Variants in SS18L1 observed in about 807,000 individuals in gnomAD.
The protein encoded by SS18L1 is SS18L1 subunit of BAF chromatin remodeling complex, also known as calcium-responsive transactivator.
Under a neutral mutation model 70.3 loss-of-function variants are expected in SS18L1, and 32 were observed. The observed-to-expected ratio is 0.46, with a 90% CI of 0.34 to 0.61. The LOEUF is 0.61. Ranked by LOEUF, SS18L1 falls within the 20% of genes least tolerant of loss-of-function variation. The pLI is 0.01. For missense variants in SS18L1, 430 were observed against 542.1 expected (o/e 0.79, Z 2.05); for synonymous variants, 237 against 229.7 (o/e 1.03, Z -0.29).
intron 8 of SS18L1, among the ~76,000 whole-genome samples, chr20:62,171,240 C>T (rs539121455): frequency 3.9e-5 from 6 of 152,184 alleles, no homozygotes; most frequent in African/African-American, 1.4e-4. Context: ...ATAAAGTGGG[C>T]TATAAAACAT....
intron 1 of SS18L1, among the ~76,000 whole-genome samples, chr20:62,145,526 A>G (rs1006437130): frequency 5.3e-5 from 8 of 152,208 alleles, no homozygotes; most frequent in African/African-American, 1.7e-4. Flanking sequence ...TCCTGAAGCT[A>G]CCTTTGGCTG....
rs755759641 is a variant in SS18L1 at position 62,172,724 on chromosome 20, G to C, written c.959G>C (p.Gly320Ala). 1 of 1,614,072 alleles carries C rather than the reference G, an allele frequency of 6.2e-7. No individual in the cohort carries two copies. The highest frequency in any genetic ancestry group is 1.1e-5 in the South Asian group (1 of 91,080). The change falls in exon 9 of 11, where the codon GGT becomes GCT. Residue 320 changes from glycine (G) to alanine (A), a missense_variant. Gly to Ala is a moderately conservative substitution (Grantham distance 60). Coordinates refer to ENST00000331758, the MANE Select transcript of SS18L1 (RefSeq NM_198935.3). ...CAGCAGCAGGCCGGGTACCAGCAGGGTGCCGCGCAGCAGCAGACGTACTCC... is the reference window on the plus strand; with the variant it reads ...CAGCAGCAGGCCGGGTACCAGCAGGCTGCCGCGCAGCAGCAGACGTACTCC... ...YSQQQAGYQQGAAQQQTYSQQ... is the reference protein window; with the variant it reads ...YSQQQAGYQQAAAQQQTYSQQ...
Position 62,143,824 on chromosome 20 carries a change from T to C in SS18L1, c.4T>C (p.Ser2Pro). The C allele has an allele frequency of 7.4e-7, 1 of 1,344,254 alleles. No homozygotes were observed. The highest frequency in any genetic ancestry group is 9.8e-7 in the Non-Finnish European group (1 of 1,018,062). 83.3% of individuals were successfully genotyped at this position (1,344,254 alleles called of 1,614,324 possible). Residue 2 changes from serine to proline, a missense_variant, in exon 1 of 11, where the codon TCC becomes CCC. Physicochemically the swap from Ser to Pro is moderately conservative, Grantham distance 74. Transcript: ENST00000331758. MSVAFASARPRG... is the reference protein window; with the variant it reads MPVAFASARPRG... ...GGCTGAGCCCCGCGCCGCCACCATG[T>C]CCGTGGCCTTCGCGTCTGCCCGGCC...
chr20:62,160,031 T>C (rs2057296188), intron 3 of SS18L1, 70 bp downstream of exon 3: 2 of 1,463,020 alleles, frequency 1.4e-6, no homozygotes, highest in African/African-American at 1.4e-5. Flanking sequence ...ATCGGAATTG[T>C]GGGCATGTCA....
In SS18L1 at chr20:62,163,603, C is replaced by A; in HGVS notation, c.702C>A (p.Pro234=). 6.3e-7 allele frequency: 1 copy of A among 1,597,888 alleles called. No individual in the cohort carries two copies. ...TGATGGGGCAGCGGCCCATGGCGCC[C>A]TACCGGCCCTCCCAGCAAGGTAACG... is the stretch of plus-strand genomic sequence containing the variant. ...SSMMGQRPMA[P]YRPSQQGSSQ... is the part of the protein sequence containing the mutation. Residue 234 remains proline, a synonymous_variant, in exon 6 of 11, where the codon CCC becomes CCA. Transcript: ENST00000331758.
chr20:62,167,542 C>G (rs1384487366), intron 8 of SS18L1, among the ~76,000 whole-genome samples: 5 of 152,016 alleles, frequency 3.3e-5, no homozygotes, highest in African/African-American at 1.2e-4. Flanking sequence ...CCTGGGTGAC[C>G]GAGCCAGACC....
At position 62,158,782 on chromosome 20, in the gene SS18L1, G is replaced by T. The variant is rs766281134; in HGVS notation, c.146+34G>T. 1 of 1,612,902 alleles carries T rather than the reference G, an allele frequency of 6.2e-7. No homozygotes were observed. The highest frequency in any genetic ancestry group is 8.5e-7 in the Non-Finnish European group (1 of 1,179,962). On this transcript the variant is annotated intron_variant, in intron 2 of 10. Coordinates refer to ENST00000331758, the MANE Select transcript of SS18L1 (RefSeq NM_198935.3). The surrounding 1 kb of genome is among the most constrained non-coding windows in gnomAD (Gnocchi z 4.5). ...CCGCCATACACCGGAACACTTGGAGGGTGTCATGCAGAGTCTAAGCACAGA... is the reference window on the plus strand; with the variant it reads ...CCGCCATACACCGGAACACTTGGAGTGTGTCATGCAGAGTCTAAGCACAGA...
intron 10 of SS18L1, among the ~76,000 whole-genome samples, chr20:62,176,945 C>T (rs1428231743): frequency 1.3e-5 from 2 of 152,304 alleles, no homozygotes; most frequent in South Asian, 2.1e-4. Context: ...ACAGCACTGC[C>T]GGCGCTGGGC....
rs549675527 is a variant in SS18L1 at position 62,179,337 on chromosome 20, G to A, written c.*129G>A. ...GCCCAGTGCCACGTCTGCATGTGAA[G>A]CGTGCTCATTTCATGCTGGGTATGA... On this transcript the variant is annotated 3_prime_UTR_variant, in exon 11 of 11. Coordinates refer to ENST00000331758, the MANE Select transcript of SS18L1 (RefSeq NM_198935.3). 51 of 1,020,630 alleles carry A rather than the reference G, an allele frequency of 5.0e-5. No homozygotes were observed. Among genetic ancestry groups the A allele is most frequent in the African/African-American group, 4.9e-4 (31 of 63,748 alleles). The allele number at this position is 1,020,630 out of a possible 1,614,324, so 63.2% of individuals were successfully genotyped here. A position where few individuals can be genotyped will look rare whatever the true frequency, so the allele number is the denominator to read the frequency against.
rs201231564 is a variant in SS18L1 at position 62,174,509 on chromosome 20, C to T, written c.1037-8C>T. 116 of 1,613,234 alleles carry T rather than the reference C, an allele frequency of 7.2e-5. 1 individual carries two copies. The highest frequency in any genetic ancestry group is 7.5e-5 in the Non-Finnish European group (89 of 1,179,486). Reference sequence around the variant, plus strand: ...TGGCCGGCCTCACGGTTCCTGGTGTCTTCTCAGGGTCTGCCCAGGGAGCCC... The same window carrying T: ...TGGCCGGCCTCACGGTTCCTGGTGTTTTCTCAGGGTCTGCCCAGGGAGCCC... On this transcript the variant is annotated splice_polypyrimidine_tract_variant and splice_region_variant and intron_variant, in intron 9 of 10. Transcript: ENST00000331758. The surrounding 1 kb of genome is among the most constrained non-coding windows in gnomAD (Gnocchi z 4.1).
At chr20:62,155,172 G>A (rs950277314) in intron 1 of SS18L1, among the ~76,000 whole-genome samples, 4 of 152,130 alleles carry the variant, frequency 2.6e-5, no homozygotes, top group East Asian at 3.9e-4. Flanking sequence ...AGGCAGAGGC[G>A]GGCAGATCAG....
intron 1 of SS18L1, among the ~76,000 whole-genome samples, chr20:62,155,387 T>C (rs1450968230): frequency 6.6e-6 from 1 of 152,220 alleles, no homozygotes; most frequent in African/African-American, 2.4e-5. Context: ...CACTCCAGCC[T>C]GGGTGACAGA....
intron 5 of SS18L1, among the ~76,000 whole-genome samples, chr20:62,163,217 C>T (rs534529263): frequency 2.0e-5 from 3 of 152,126 alleles, no homozygotes; most frequent in Admixed American, 6.5e-5. Context: ...GGCCCTGGGT[C>T]TGGACAGACA....
At chr20:62,165,946 C>T (rs996017308) in intron 8 of SS18L1, among the ~76,000 whole-genome samples, 4 of 152,156 alleles carry the variant, frequency 2.6e-5, no homozygotes, top group Admixed American at 2.0e-4. Context: ...GGTGTGGCCT[C>T]GCGTTTCTTC....
intron 1 of SS18L1, among the ~76,000 whole-genome samples, chr20:62,157,665 A>G (rs2057247583): frequency 6.6e-6 from 1 of 152,212 alleles, no homozygotes; most frequent in South Asian, 2.1e-4. Flanking sequence ...GTTTAGGGTC[A>G]TGACCTTGTC....
At chr20:62,171,632 T>TA (rs1279445194) in intron 8 of SS18L1, among the ~76,000 whole-genome samples, 3 of 152,152 alleles carry the variant, frequency 2.0e-5, no homozygotes, top group South Asian at 2.1e-4. Flanking sequence ...AGCTGTTATT[T>TA]AAAAAAAATA....
intron 8 of SS18L1, among the ~76,000 whole-genome samples, chr20:62,167,050 T>TG (rs2057447833): frequency 7.4e-6 from 1 of 134,270 alleles, no homozygotes; most frequent in Non-Finnish European, 1.6e-5. Context: ...TTGTTTTTTT[T>TG]TTTTTTTTTT....
chr20:62,160,332 T>TGGAGAGAGGG (rs2057303537), intron 3 of SS18L1, among the ~76,000 whole-genome samples: 1 of 27,154 alleles, frequency 3.7e-5, no homozygotes, highest in African/African-American at 1.6e-4. Flanking sequence ...TGGAGAGAGG[T>TGGAGAGAGGG]GGGGTGGGGA....
Position 62,174,588 on chromosome 20 carries a change from C to T in SS18L1, c.1108C>T (p.Arg370Ter), listed in dbSNP as rs2057587777. The T allele has an allele frequency of 6.2e-7, 1 of 1,613,792 alleles. No individual in the cohort carries two copies. The highest frequency in any genetic ancestry group is 8.5e-7 in the Non-Finnish European group (1 of 1,180,026). ...QGQGQQYGSYRAPQTAPSAQQ... is the reference protein window; with the variant it reads ...QGQGQQYGSY ...CCAAGGCCAGCAGTACGGAAGCTAC[C>T]GAGCACCGCAGACAGCGCCGTCTGC... is the stretch of plus-strand genomic sequence containing the variant. Residue 370 changes from arginine (R) to a stop codon, truncating the protein, a stop_gained, in exon 10 of 11, where the codon CGA (arginine) becomes TGA (stop). Transcript: ENST00000331758. LOFTEE classifies it high-confidence loss of function. This position sits in a 1 kb window ranked among gnomAD's most constrained non-coding sequence, Gnocchi z 4.1.
Sources: gnomAD v4.1 joint callset for allele counts (sites outside exome capture counted in the v4.1 genomes callset) on GRCh38, gnomAD v4.1.1 for gene constraint, Gnocchi (gnomAD v3.1) non-coding constraint, MANE v1.5 for transcripts, NCBI Gene and HGNC (gene_info 2026-07-23, HGNC 2026-07-21) for gene names.